Variants in FRMPD4 observed in about 807,000 individuals in gnomAD.
FRMPD4 encodes the protein FERM and PDZ domain-containing protein 4.
FRMPD4 carries 22 observed loss-of-function variants against 94.1 expected under a neutral mutation model. That is an observed-to-expected ratio of 0.23 (90% CI 0.17 to 0.33). The LOEUF (loss-of-function observed/expected upper bound fraction) is 0.33, where lower values mean the gene tolerates loss of function less well. FRMPD4 is among the 10% of genes least tolerant of loss of function. The pLI, the probability that FRMPD4 is intolerant of heterozygous loss-of-function variation, is 1.00. For missense variants in FRMPD4, 1,111 were observed against 1,339.9 expected (o/e 0.83, Z 2.67); for synonymous variants, 631 against 548.6 (o/e 1.15, Z -2.10).
chrX:12,106,756 G>A (rs903421379), intron 3 of FRMPD4, among the ~76,000 whole-genome samples: 13 of 111,555 alleles, frequency 1.2e-4, no homozygotes, highest in East Asian at 2.8e-4. Flanking sequence ...ATTATATCCC[G>A]CGCCTGGCTC....
At chrX:12,006,390 A>C (rs2054554395) in intron 3 of FRMPD4, among the ~76,000 whole-genome samples, 1 of 112,349 alleles carries the variant, frequency 8.9e-6, no homozygotes, top group Non-Finnish European at 1.9e-5. Context: ...AATGAGCTTT[A>C]TTGGATATCT....
In FRMPD4 at chrX:12,716,140, A is replaced by G. The variant is rs1215086449; in HGVS notation, c.1681A>G (p.Ile561Val). ...WNCIPQMTTF[I>V]GEGEQEAQIT... ...CTGTATACCCCAAATGACCACCTTT[A>G]TTGGCGAAGGGGAACAAGAAGCCCA... is the stretch of plus-strand genomic sequence containing the variant. The change falls in exon 15 of 17, where the codon ATT becomes GTT. Residue 561 changes from isoleucine to valine, a missense_variant. Physicochemically the swap from Ile to Val is conservative, Grantham distance 29 (BLOSUM62 3). This residue lies in a region of FRMPD4 where 192 missense variants were observed against 192.5 expected (regional missense o/e 1.00). Transcript: ENST00000675598. 2 of 1,206,886 alleles carry G rather than the reference A, an allele frequency of 1.7e-6. No homozygotes were observed. The highest frequency in any genetic ancestry group is 3.0e-5 in the East Asian group (1 of 33,830).
At chrX:12,390,236 A>C (rs2056456920) in intron 1 of FRMPD4, among the ~76,000 whole-genome samples, 1 of 112,466 alleles carries the variant, frequency 8.9e-6, no homozygotes, top group African/African-American at 3.2e-5. Flanking sequence ...AATGGCATAA[A>C]AGAGAGAGTA....
intron 1 of FRMPD4, among the ~76,000 whole-genome samples, chrX:12,316,091 C>T (rs1193865572): frequency 8.9e-6 from 1 of 112,096 alleles, no homozygotes; most frequent in Non-Finnish European, 1.9e-5. Context: ...TGATACCTCT[C>T]AGGTGTTATT....
At chrX:12,481,959 A>T (rs1394521023) in intron 1 of FRMPD4, among the ~76,000 whole-genome samples, 1 of 98,686 alleles carries the variant, frequency 1.0e-5, no homozygotes, top group South Asian at 5.2e-4. Context: ...AAAAAAAAAA[A>T]AAAAAAAAAA....
rs182479176 is a variant in FRMPD4 at position 12,464,010 on chromosome X, G to A, written c.42-34670G>A. Among the ~76,000 whole-genome samples the A allele has an allele frequency of 6.3e-5, 7 of 110,982 alleles. No homozygotes were observed. The East Asian group carries it at 1.4e-3, about 22-fold the overall frequency. ...TCTATAGCTGCTTTTGTGCTACAAT[G>A]ACAGAGTTAAGTAGCTGTGACAGAG... On this transcript the variant is annotated intron_variant, in intron 1 of 16. Transcript: ENST00000675598.
At chrX:12,203,039 T>G (rs2056648737) in intron 1 of FRMPD4, among the ~76,000 whole-genome samples, 1 of 111,911 alleles carries the variant, frequency 8.9e-6, no homozygotes, top group Non-Finnish European at 1.9e-5. Context: ...TTAAGTCACT[T>G]AGTTTAGGGT....
At chrX:12,155,412 G>A (rs779948841) in intron 1 of FRMPD4, among the ~76,000 whole-genome samples, 14 of 109,771 alleles carry the variant, frequency 1.3e-4, no homozygotes, top group African/African-American at 3.6e-4. Flanking sequence ...TTAAAGAGGA[G>A]GACAATGTTT....
intron 2 of FRMPD4, among the ~76,000 whole-genome samples, chrX:12,539,638 CT>C (rs375897141): frequency 2.3e-3 from 243 of 103,761 alleles, no homozygotes; most frequent in African/African-American, 5.5e-3. Context: ...TAATATTCAG[CT>C]TTTTTTTTTT....
intron 1 of FRMPD4, among the ~76,000 whole-genome samples, chrX:12,215,692 G>A (rs2056799827): frequency 8.9e-6 from 1 of 111,744 alleles, no homozygotes; most frequent in Non-Finnish European, 1.9e-5. Flanking sequence ...CAGATCATAC[G>A]CTTAAGTAGC....
intron 1 of FRMPD4, among the ~76,000 whole-genome samples, chrX:12,139,597 TTTC>T (rs1410561667): frequency 1.8e-5 from 2 of 110,089 alleles, no homozygotes; most frequent in African/African-American, 6.7e-5. Context: ...ATTTAGAAAT[TTTC>T]TTCTAAGTGG....
chrX:11,919,258 A>G (rs2054042600), intron 3 of FRMPD4, among the ~76,000 whole-genome samples: 2 of 112,673 alleles, frequency 1.8e-5, no homozygotes, highest in South Asian at 3.7e-4. Flanking sequence ...AGCATTGTCT[A>G]ATACCCCCTG....
intron 4 of FRMPD4, among the ~76,000 whole-genome samples, chrX:12,664,232 A>G (rs1023382759): frequency 8.9e-5 from 10 of 112,504 alleles, no homozygotes; most frequent in African/African-American, 2.3e-4. Flanking sequence ...CAGAACTTCC[A>G]ACACTATGTT....
intron 1 of FRMPD4, among the ~76,000 whole-genome samples, chrX:12,345,240 G>A (rs1041947479): frequency 2.7e-5 from 3 of 110,523 alleles, no homozygotes; most frequent in Non-Finnish European, 5.7e-5. Context: ...ATGGCTGAGT[G>A]GATGGATGGG....
chrX:12,649,235 G>A (rs1405434510), intron 4 of FRMPD4, among the ~76,000 whole-genome samples: 1 of 112,056 alleles, frequency 8.9e-6, no homozygotes. Flanking sequence ...CGTGGGGACA[G>A]AGAGAGGAGC....
intron 9 of FRMPD4, among the ~76,000 whole-genome samples, chrX:12,697,160 C>T (rs1052484464): frequency 1.5e-4 from 17 of 112,274 alleles, no homozygotes; most frequent in Admixed American, 1.2e-3. Flanking sequence ...TTTTCCACCC[C>T]GAACAACGAA....
At chrX:12,193,855 AAGG>A (rs1209525376) in intron 1 of FRMPD4, among the ~76,000 whole-genome samples, 1 of 84,398 alleles carries the variant, frequency 1.2e-5, no homozygotes, top group African/African-American at 4.3e-5. Context: ...AAGAAAGAAA[AAGG>A]AAGGAAGGAA....
chrX:12,266,939 C>G (rs181754415), intron 1 of FRMPD4, among the ~76,000 whole-genome samples: 1 of 112,026 alleles, frequency 8.9e-6, no homozygotes, highest in East Asian at 2.8e-4. Flanking sequence ...ATTTAATACA[C>G]CTAATTTGCT....
intron 1 of FRMPD4, among the ~76,000 whole-genome samples, chrX:12,164,032 T>C (rs1220648198): frequency 9.0e-6 from 1 of 111,546 alleles, no homozygotes; most frequent in Non-Finnish European, 1.9e-5. Context: ...TTTTATTTTT[T>C]TGCCCCTTAG....
Sources: allele counts gnomAD v4.1 joint callset (sites outside exome capture counted in the v4.1 genomes callset), GRCh38; gene constraint gnomAD v4.1.1; regional missense constraint gnomAD v4.1.1; transcripts MANE v1.5; gene names NCBI Gene and HGNC (gene_info 2026-07-23, HGNC 2026-07-21).